Variants in TUSC3 observed in about 807,000 individuals in gnomAD.
TUSC3 encodes dolichyl-diphosphooligosaccharide--protein glycosyltransferase subunit TUSC3.
In TUSC3, 45 loss-of-function variants were observed where a neutral mutation model predicts 44.8. The observed-to-expected ratio is 1.00, with a 90% CI of 0.79 to 1.29. TUSC3 has a LOEUF of 1.29. Ranked by LOEUF, TUSC3 falls within the 50% of genes most tolerant of loss-of-function variation. The pLI is 0.00. For synonymous variants in TUSC3, 212 were observed against 152.9 expected (o/e 1.39, Z -2.85); for missense variants, 519 against 437.9 (o/e 1.19, Z -1.65).
chr8:15,581,649 C>T (rs1414994897), intron 1 of TUSC3, among the ~76,000 whole-genome samples: 1 of 149,640 alleles, frequency 6.7e-6, no homozygotes, highest in Non-Finnish European at 1.5e-5. Context: ...GGGTCAGGGA[C>T]CCACTTGAGG....
intron 7 of TUSC3, among the ~76,000 whole-genome samples, chr8:15,742,253 T>C (rs1471419799): frequency 9.4e-4 from 4 of 4,276 alleles, no homozygotes; most frequent in African/African-American, 2.6e-3. Context: ...CTCTTGTATA[T>C]GTTAGGCTCC....
intron 1 of TUSC3, among the ~76,000 whole-genome samples, chr8:15,578,639 C>G (rs931716683): frequency 6.6e-5 from 10 of 150,756 alleles, no homozygotes; most frequent in African/African-American, 2.5e-4. Flanking sequence ...GTATATTGAA[C>G]CAGCCTTGTG....
intron 1 of TUSC3, among the ~76,000 whole-genome samples, chr8:15,434,823 A>G (rs1348220747): frequency 2.0e-5 from 3 of 152,014 alleles, no homozygotes; most frequent in African/African-American, 4.8e-5. Flanking sequence ...GCTGAGAATA[A>G]TGGTTTCCAA....
chr8:15,585,214 T>G (rs12546295), intron 1 of TUSC3, among the ~76,000 whole-genome samples: 1 of 151,904 alleles, frequency 6.6e-6, no homozygotes, highest in Non-Finnish European at 1.5e-5. Flanking sequence ...GGGAGCTATA[T>G]AGGGGGACAG....
At chr8:15,658,447 G>C (rs980257954) in intron 3 of TUSC3, among the ~76,000 whole-genome samples, 2 of 151,960 alleles carry the variant, frequency 1.3e-5, no homozygotes, top group Non-Finnish European at 2.9e-5. Context: ...AGCTTTTACT[G>C]TTGTATCGTT....
chr8:15,837,591 A>AT, the TUSC3 span, among the ~76,000 whole-genome samples: 1 of 151,656 alleles, frequency 6.6e-6, no homozygotes, highest in African/African-American at 2.4e-5. Context: ...AAGTTCTGTG[A>AT]TTTTTCCCCT....
intron 6 of TUSC3, among the ~76,000 whole-genome samples, chr8:15,677,275 C>T (rs1308318543): frequency 6.6e-6 from 1 of 152,138 alleles, no homozygotes; most frequent in Admixed American, 6.6e-5. Context: ...TCTCGGATTA[C>T]AGGCCTGAGC....
chr8:15,821,359 A>ATTT, the TUSC3 span, among the ~76,000 whole-genome samples: 3,459 of 131,246 alleles, frequency 0.026, 126 homozygotes, highest in Non-Finnish European at 0.035. Context: ...GTATCTAGGC[A>ATTT]TTTTTTTTTT....
intron 1 of TUSC3, among the ~76,000 whole-genome samples, chr8:15,549,408 G>T (rs753132225): frequency 6.6e-6 from 1 of 151,482 alleles, no homozygotes; most frequent in Non-Finnish European, 1.5e-5. Context: ...TCCTGACCTC[G>T]TGATCTGCCC....
intron 2 of TUSC3, among the ~76,000 whole-genome samples, chr8:15,632,021 A>G (rs1055847051): frequency 6.6e-6 from 1 of 152,120 alleles, no homozygotes; most frequent in African/African-American, 2.4e-5. Flanking sequence ...CTATTCTTAT[A>G]TAATTAGAAC....
intron 9 of TUSC3, 177 bp downstream of exon 9, chr8:15,748,642 A>AC (rs765933059): frequency 8.1e-6 from 6 of 743,576 alleles, no homozygotes; most frequent in Non-Finnish European, 1.2e-5. Context: ...CAAAGGAGAT[A>AC]TAAGGCATGG....
At chr8:15,790,271 C>T in the TUSC3 span, among the ~76,000 whole-genome samples, 52 of 147,450 alleles carry the variant, frequency 3.5e-4, no homozygotes, top group African/African-American at 1.1e-3. Context: ...CTGCAACCTC[C>T]GCCTCCCAGG....
the TUSC3 span, among the ~76,000 whole-genome samples, chr8:15,834,706 T>C: frequency 1.3e-5 from 2 of 152,316 alleles, no homozygotes; most frequent in East Asian, 3.9e-4. Context: ...ATTCATTCAG[T>C]ATTCTGTTGG....
At chr8:15,608,073 T>C (rs1804610684) in intron 1 of TUSC3, among the ~76,000 whole-genome samples, 1 of 152,196 alleles carries the variant, frequency 6.6e-6, no homozygotes, top group Admixed American at 6.5e-5. Context: ...AGTTTATTCT[T>C]GGTTTTACAT....
chr8:15,656,635 T>C (rs1269497203), intron 3 of TUSC3, among the ~76,000 whole-genome samples: 1 of 145,306 alleles, frequency 6.9e-6, no homozygotes, highest in Non-Finnish European at 1.5e-5. Flanking sequence ...ACGCAACAGC[T>C]CTCCCAGGCC....
chr8:15,703,818 A>C (rs1025231366), intron 6 of TUSC3, among the ~76,000 whole-genome samples: 1 of 152,040 alleles, frequency 6.6e-6, no homozygotes, highest in South Asian at 2.1e-4. Flanking sequence ...ACCTCCAACA[A>C]ATGGGGATCA....
the TUSC3 span, among the ~76,000 whole-genome samples, chr8:15,779,435 CAT>C: frequency 1.3e-5 from 2 of 151,502 alleles, no homozygotes; most frequent in Non-Finnish European, 2.9e-5. Flanking sequence ...ATTAATCAAA[CAT>C]GAGAACTCAG....
chr8:15,512,376 G>C (rs62502475), intron 2 of TUSC3, among the ~76,000 whole-genome samples: 30,174 of 152,092 alleles, frequency 0.2, 3,369 homozygotes, highest in East Asian at 0.4. Context: ...CTGCCTTTGG[G>C]CCAGAACTGC....
At position 15,662,047 on chromosome 8, in the gene TUSC3, G is replaced by A. The variant is rs2129179964; in HGVS notation, c.568-109G>A. ...GCTAGTGTCACGTATGAAAAGTTGG[G>A]TGGCATGTTTCTGAGTTCTTTGCGT... On this transcript the variant is annotated intron_variant, in intron 4 of 10. Coordinates refer to ENST00000503731, the MANE Select transcript of TUSC3 (RefSeq NM_006765.4). 3 of 1,214,030 alleles carry A rather than the reference G, an allele frequency of 2.5e-6. No homozygotes were observed. In the Admixed American group the frequency reaches 5.9e-5, roughly 24 times the overall value. 75.2% of individuals were successfully genotyped at this position (1,214,030 alleles called of 1,614,324 possible). A position where few individuals can be genotyped will look rare whatever the true frequency, so the allele number is the denominator to read the frequency against.
Sources: allele counts gnomAD v4.1 joint callset (sites outside exome capture counted in the v4.1 genomes callset), GRCh38; gene constraint gnomAD v4.1.1; transcripts MANE v1.5; gene names NCBI Gene and HGNC (gene_info 2026-07-23, HGNC 2026-07-21).